The following NUCKS1 variants were observed in gnomAD, a reference collection of about 807,000 sequenced individuals.
NUCKS1 encodes nuclear ubiquitous casein and cyclin-dependent kinase substrate 1.
NUCKS1 carries 2 observed loss-of-function variants against 33.0 expected under a neutral mutation model. The observed-to-expected ratio is 0.06, with a 90% CI of 0.02 to 0.19. NUCKS1 has a LOEUF of 0.19. Among genes scored for constraint, NUCKS1 ranks in the 10% least tolerant of loss-of-function variants. The pLI is 1.00. For synonymous variants in NUCKS1, 106 were observed against 102.8 expected, an observed-to-expected ratio of 1.03 and a Z score of -0.19; for missense variants, 201 against 293.6, an observed-to-expected ratio of 0.68 and a Z score of 2.31.
At chr1:205,744,242 T>C (rs1409506941) in intron 1 of NUCKS1, among the ~76,000 whole-genome samples, 1 of 152,224 alleles carries the variant, frequency 6.6e-6, no homozygotes, top group Admixed American at 6.5e-5. Context: ...CTTTGGGTTG[T>C]TCACAGTGGG....
chr1:205,728,639 A>T (rs1653834143), intron 2 of NUCKS1, among the ~76,000 whole-genome samples: 1 of 152,102 alleles, frequency 6.6e-6, no homozygotes, highest in African/African-American at 2.4e-5. Context: ...AGTATTTTCT[A>T]AGTCTTCCCA....
Position 205,718,494 on chromosome 1 carries a change from A to T in NUCKS1, c.533-15T>A, listed in dbSNP as rs1332863820. 1.2e-6 allele frequency: 2 copies of T among 1,606,046 alleles called. No individual in the cohort carries two copies. The highest frequency in any genetic ancestry group is 1.1e-5 in the South Asian group (1 of 89,448). ...ACTTGGCGTCACTGAAAATAGAAAA[A>T]TAATTTGGGGAAGGGAAGAGAAAAA... On this transcript the variant is annotated splice_polypyrimidine_tract_variant and intron_variant, in intron 6 of 6. Transcript: ENST00000367142.
At chr1:205,729,682 G>C (rs901578513) in intron 1 of NUCKS1, 61 bp from the exon 2 acceptor site, 4 of 1,188,546 alleles carry the variant, frequency 3.4e-6, no homozygotes, top group Non-Finnish European at 5.0e-6. Flanking sequence ...TAAGACATCA[G>C]AACACACATT....
chr1:205,718,741 G>C (rs979520639), intron 6 of NUCKS1, among the ~76,000 whole-genome samples: 1 of 152,148 alleles, frequency 6.6e-6, no homozygotes, highest in Non-Finnish European at 1.5e-5. Flanking sequence ...AGTAATACCT[G>C]TAAAGAAGAA....
At chr1:205,723,193 C>T in intron 4 of NUCKS1, among the ~76,000 whole-genome samples, 1 of 152,130 alleles carries the variant, frequency 6.6e-6, no homozygotes, top group Non-Finnish European at 1.5e-5. Context: ...AACTTTGTCT[C>T]TCCCCTTTGT....
rs1469405967 is a variant in NUCKS1, at chr1:205,713,271, A to G, written c.*5009T>C. The G allele has an allele frequency of 6.6e-6, 1 of 152,168 alleles. No homozygotes were observed. Among genetic ancestry groups the G allele is most frequent in the Non-Finnish European group, 1.5e-5 (1 of 68,038 alleles). The allele number at this position is 152,168 out of a possible 1,614,324, so 9.4% of individuals were successfully genotyped here. ...TTTACAAAAGAAAAAAAGATACAGA[A>G]AAAGAATAACTTGCTTCATATGTCC... On this transcript the variant is annotated 3_prime_UTR_variant, in exon 7 of 7. Transcript: ENST00000367142.
rs1203092926 is a variant in NUCKS1 at position 205,715,969 on chromosome 1, A to G, written c.*2311T>C. The stretch of plus-strand genomic sequence containing the variant: ...AAGACTAGAGTGTTTTAAATCATCA[A>G]TAAAAAGTGGAGAAAACAAAGGTTA... On this transcript the variant is annotated 3_prime_UTR_variant, in exon 7 of 7. Coordinates refer to ENST00000367142, the MANE Select transcript of NUCKS1 (RefSeq NM_022731.5). 6.6e-6 allele frequency: 1 copy of G among 152,200 alleles called. No individual in the cohort carries two copies. Among genetic ancestry groups the G allele is most frequent in the East Asian group, 1.9e-4 (1 of 5,202 alleles). 9.4% of individuals were successfully genotyped at this position (152,200 alleles called of 1,614,324 possible).
intron 1 of NUCKS1, among the ~76,000 whole-genome samples, chr1:205,739,167 T>C (rs996218276): frequency 1.3e-5 from 2 of 152,244 alleles, no homozygotes; most frequent in Admixed American, 6.5e-5. Flanking sequence ...AGTAACTTTA[T>C]TGCAAGCCAT....
chr1:205,716,991 T>C lies in NUCKS1; in HGVS notation c.*1289A>G. The C allele has an allele frequency of 6.6e-6, 1 of 152,146 alleles. No individual in the cohort carries two copies. Among genetic ancestry groups the C allele is most frequent in the East Asian group, 1.9e-4 (1 of 5,196 alleles). 9.4% of individuals were successfully genotyped at this position (152,146 alleles called of 1,614,324 possible). A position where few individuals can be genotyped will look rare whatever the true frequency, so the allele number is the denominator to read the frequency against. On this transcript the variant is annotated 3_prime_UTR_variant, in exon 7 of 7. Transcript: ENST00000367142. ...ATGGGAGCAGCATTTAACATATTCC[T>C]AGTCAAGGACAGGATGGGAAGTAAG...
At chr1:205,740,431 A>G (rs1654139814) in intron 1 of NUCKS1, among the ~76,000 whole-genome samples, 1 of 151,854 alleles carries the variant, frequency 6.6e-6, no homozygotes, top group Non-Finnish European at 1.5e-5. Flanking sequence ...ACCAGCCTGA[A>G]CCACACAGCA....
intron 1 of NUCKS1, among the ~76,000 whole-genome samples, chr1:205,747,149 G>T (rs1023262531): frequency 1.3e-5 from 2 of 152,174 alleles, no homozygotes; most frequent in Non-Finnish European, 2.9e-5. Flanking sequence ...CGGGCAGAAG[G>T]TACAGCGATC....
chr1:205,732,286 T>C (rs941190157), intron 1 of NUCKS1, among the ~76,000 whole-genome samples: 1 of 152,208 alleles, frequency 6.6e-6, no homozygotes, highest in Non-Finnish European at 1.5e-5. Flanking sequence ...AAGCTAACTT[T>C]AAATATGACT....
At chr1:205,740,480 T>C (rs1571586136) in intron 1 of NUCKS1, among the ~76,000 whole-genome samples, 1 of 152,032 alleles carries the variant, frequency 6.6e-6, no homozygotes, top group South Asian at 2.1e-4. Flanking sequence ...CCAGGTGTGG[T>C]GGCGCACGCC....
At chr1:205,728,617 TTCA>T (rs1653833648) in intron 2 of NUCKS1, among the ~76,000 whole-genome samples, 2 of 152,200 alleles carry the variant, frequency 1.3e-5, no homozygotes, top group African/African-American at 4.8e-5. Flanking sequence ...TTTTCTCTTC[TTCA>T]TATCTTTCAG....
In NUCKS1 at chr1:205,750,127, G is replaced by C. The variant is rs1654471778; in HGVS notation, c.-154C>G. 4 of 770,850 alleles carry C rather than the reference G, an allele frequency of 5.2e-6. No individual in the cohort carries two copies. The highest frequency in any genetic ancestry group is 1.6e-5 in the South Asian group (1 of 61,656). The allele number at this position is 770,850 out of a possible 1,614,324, so 47.8% of individuals were successfully genotyped here. A position where few individuals can be genotyped will look rare whatever the true frequency, so the allele number is the denominator to read the frequency against. On this transcript the variant is annotated 5_prime_UTR_variant, in exon 1 of 7. Transcript: ENST00000367142. ...GCTTCTCAAACTCCGCTGCTCTTTG[G>C]TTCAGGGCTCCTGGAACAGACGAGC...
In NUCKS1 at chr1:205,716,880, G is replaced by A. The variant is rs1671830872; in HGVS notation, c.*1400C>T. ...GCACACAGGCCTCCTAAAATGCCTT[G>A]TTTCTCTAGTCCCTCCTGCTTTAAG... On this transcript the variant is annotated 3_prime_UTR_variant, in exon 7 of 7. Transcript: ENST00000367142. 6.6e-6 allele frequency: 1 copy of A among 152,154 alleles called. No individual in the cohort carries two copies. Among genetic ancestry groups the A allele is most frequent in the Non-Finnish European group, 1.5e-5 (1 of 68,044 alleles). The allele number at this position is 152,154 out of a possible 1,614,324, so 9.4% of individuals were successfully genotyped here. A position where few individuals can be genotyped will look rare whatever the true frequency, so the allele number is the denominator to read the frequency against.
At chr1:205,733,329 G>C (rs1180395837) in intron 1 of NUCKS1, among the ~76,000 whole-genome samples, 1 of 151,550 alleles carries the variant, frequency 6.6e-6, no homozygotes, top group Non-Finnish European at 1.5e-5. Context: ...GCTTTGATGT[G>C]AAAGGAGTAG....
At chr1:205,746,988 A>G (rs1399623360) in intron 1 of NUCKS1, among the ~76,000 whole-genome samples, 2 of 152,232 alleles carry the variant, frequency 1.3e-5, no homozygotes, top group Non-Finnish European at 2.9e-5. Context: ...TAGTTTGGGC[A>G]AGTCAGTAAA....
intron 1 of NUCKS1, among the ~76,000 whole-genome samples, chr1:205,747,870 T>G (rs1238860680): frequency 6.6e-6 from 1 of 152,222 alleles, no homozygotes; most frequent in Non-Finnish European, 1.5e-5. Context: ...AACTCAAGTT[T>G]AATTATTTCT....
Sources: gnomAD v4.1 joint callset for allele counts (sites outside exome capture counted in the v4.1 genomes callset) on GRCh38, gnomAD v4.1.1 for gene constraint, MANE v1.5 for transcripts, NCBI Gene and HGNC (gene_info 2026-07-23, HGNC 2026-07-21) for gene names.